EPHA3: variants seen among roughly 807,000 people sequenced by gnomAD.
The protein encoded by EPHA3 is ephrin type-A receptor 3.
Under a neutral mutation model 107.1 loss-of-function variants are expected in EPHA3, and 42 were observed. That is an observed-to-expected ratio of 0.39 (90% CI 0.31 to 0.51). The LOEUF (loss-of-function observed/expected upper bound fraction) is 0.51. Among genes scored for constraint, EPHA3 ranks in the 20% least tolerant of loss-of-function variants. The pLI, the probability that EPHA3 is intolerant of heterozygous loss-of-function variation, is 0.78. For missense variants in EPHA3, 1,183 were observed against 1,211.2 expected (o/e 0.98, Z 0.35); for synonymous variants, 461 against 424.8 (o/e 1.09, Z -1.05).
chr3:89,294,942 G>A (rs1706309990), intron 3 of EPHA3, among the ~76,000 whole-genome samples: 1 of 151,930 alleles, frequency 6.6e-6, no homozygotes, highest in Admixed American at 6.6e-5. Flanking sequence ...ACTTTTCTAT[G>A]GGACACAGTT....
intron 2 of EPHA3, among the ~76,000 whole-genome samples, chr3:89,177,849 C>G (rs1705352814): frequency 6.6e-6 from 1 of 152,160 alleles, no homozygotes; most frequent in African/African-American, 2.4e-5. Context: ...CTCTTTCCCT[C>G]ACTCGTTTTA....
chr3:89,192,237 TATTTTGTTCTAGAAACCAC>T (rs1705735259), intron 2 of EPHA3, among the ~76,000 whole-genome samples: 1 of 151,618 alleles, frequency 6.6e-6, no homozygotes, highest in African/African-American at 2.4e-5. Context: ...CTAGGTATAA[TATTTTGTTCTAGAAACCAC>T]ACTACATTAT....
intron 1 of EPHA3, among the ~76,000 whole-genome samples, chr3:89,119,802 G>A (rs570338087): frequency 2.6e-5 from 4 of 152,186 alleles, no homozygotes; most frequent in Non-Finnish European, 4.4e-5. Context: ...AATGTCCAGA[G>A]GATGTTTTTA....
At chr3:89,347,663 T>C (rs905496822) in intron 5 of EPHA3, among the ~76,000 whole-genome samples, 24 of 150,360 alleles carry the variant, frequency 1.6e-4, no homozygotes, top group African/African-American at 5.4e-4. Flanking sequence ...TGAATAAGAG[T>C]GGTGAGAGAG....
At chr3:89,331,446 A>G (rs1405921036) in intron 3 of EPHA3, among the ~76,000 whole-genome samples, 1 of 152,200 alleles carries the variant, frequency 6.6e-6, no homozygotes, top group Non-Finnish European at 1.5e-5. Context: ...TTATTTATAA[A>G]AATGTGTGAA....
chr3:89,141,803 C>G (rs1240634184), intron 2 of EPHA3, among the ~76,000 whole-genome samples: 2 of 151,532 alleles, frequency 1.3e-5, no homozygotes, highest in East Asian at 3.9e-4. Context: ...ATATCTGCAT[C>G]TATAACACAT....
In EPHA3 at chr3:89,472,614, C is replaced by T. The variant is rs145149969; in HGVS notation, c.2841C>T (p.Ser947=). ...CTTGTGACACAATAGCCAAGATTTC[C>T]ACAGAGTAAGAAAAAAAAATTCATT... ...YSSCDTIAKI[S]TDDMKKVGVT... is the part of the protein sequence containing the mutation. The change falls in exon 16 of 17, where the codon TCC becomes TCT. Residue 947 remains serine, a synonymous_variant. Transcript: ENST00000336596. The T allele has an allele frequency of 4.5e-5, 72 of 1,605,104 alleles. No individual in the cohort carries two copies. The highest frequency in any genetic ancestry group is 5.8e-5 in the Non-Finnish European group (68 of 1,176,478).
Position 89,479,671 on chromosome 3 carries a change from C to T in EPHA3, c.*169C>T. On this transcript the variant is annotated 3_prime_UTR_variant, in exon 17 of 17. Coordinates refer to ENST00000336596, the MANE Select transcript of EPHA3 (RefSeq NM_005233.6). ...ATGGAATTGAAAAACTCTTTATTTT[C>T]CCCTATCATTTATTGGATGGGTGGG... is the stretch of plus-strand genomic sequence containing the variant. 1 of 541,910 alleles carries T rather than the reference C, an allele frequency of 1.8e-6. No homozygotes were observed. The highest frequency in any genetic ancestry group is 3.3e-6 in the Non-Finnish European group (1 of 304,164). 33.6% of individuals were successfully genotyped at this position (541,910 alleles called of 1,614,324 possible). A position where few individuals can be genotyped will look rare whatever the true frequency, so the allele number is the denominator to read the frequency against.
At position 89,345,606 on chromosome 3, in the gene EPHA3, CT is replaced by C. The variant is rs528144226; in HGVS notation, c.1306+3528del. Among the ~76,000 whole-genome samples, 247 of 136,612 alleles carry C rather than the reference CT, an allele frequency of 1.8e-3. 4 individuals are homozygous for C. The highest frequency in any genetic ancestry group is 2.3e-3 in the Non-Finnish European group (143 of 62,944). The allele number at this position is 136,612 out of a possible 152,430, so 89.6% of individuals were successfully genotyped here. On this transcript the variant is annotated intron_variant, in intron 5 of 16. Coordinates refer to ENST00000336596, the MANE Select transcript of EPHA3 (RefSeq NM_005233.6). The stretch of plus-strand genomic sequence containing the variant: ...CTCCTGAACACTTCAGTGACAATTT[CT>C]TTTTTTTTTTTCTTTTTTTTTTTTA...
intron 3 of EPHA3, among the ~76,000 whole-genome samples, chr3:89,281,184 C>T (rs934186770): frequency 2.0e-4 from 31 of 152,026 alleles, no homozygotes; most frequent in Non-Finnish European, 3.4e-4. Context: ...CCGCCACGCC[C>T]GGCTAATTTC....
At chr3:89,351,686 C>A (rs966572797) in intron 5 of EPHA3, among the ~76,000 whole-genome samples, 1 of 151,318 alleles carries the variant, frequency 6.6e-6, no homozygotes, top group Admixed American at 6.6e-5. Context: ...AACAATAATG[C>A]TTTTACATAG....
chr3:89,291,581 T>G (rs2107330110), intron 3 of EPHA3, among the ~76,000 whole-genome samples: 1 of 152,288 alleles, frequency 6.6e-6, no homozygotes, highest in South Asian at 2.1e-4. Flanking sequence ...TTTACAGGAT[T>G]CTTGAGTAGT....
intron 13 of EPHA3, among the ~76,000 whole-genome samples, chr3:89,448,886 T>C (rs915519022): frequency 2.6e-5 from 4 of 152,104 alleles, no homozygotes; most frequent in South Asian, 2.1e-4. Context: ...CCTCTTTTAA[T>C]TCTAATACAT....
intron 15 of EPHA3, among the ~76,000 whole-genome samples, chr3:89,454,087 C>A (rs1034256373): frequency 2.6e-4 from 40 of 152,118 alleles, no homozygotes; most frequent in African/African-American, 8.7e-4. Context: ...ATATCCAGGT[C>A]TATCCCAAGA....
intron 2 of EPHA3, among the ~76,000 whole-genome samples, chr3:89,153,629 T>G (rs1351602323): frequency 6.6e-6 from 1 of 152,074 alleles, no homozygotes; most frequent in East Asian, 1.9e-4. Context: ...TATAACCATT[T>G]CTTACCCACC....
chr3:89,157,946 C>T (rs1395900754), intron 2 of EPHA3, among the ~76,000 whole-genome samples: 1 of 151,482 alleles, frequency 6.6e-6, no homozygotes, highest in Non-Finnish European at 1.5e-5. Context: ...ACAGAGAAAA[C>T]CCTGAGAAAG....
At chr3:89,334,276 C>A (rs545953501) in intron 3 of EPHA3, among the ~76,000 whole-genome samples, 1 of 152,290 alleles carries the variant, frequency 6.6e-6, no homozygotes, top group South Asian at 2.1e-4. Context: ...GAAAGCACTG[C>A]AAAATCCATC....
In EPHA3 at chr3:89,358,296, C is replaced by G. The variant is rs922062736; in HGVS notation, c.1306+16206C>G. ...CTGGCTGCTTATTAAGTGATCAATA[C>G]TTGGTAGTTAATATCTTTCATAAAC... On this transcript the variant is annotated intron_variant, in intron 5 of 16. Transcript: ENST00000336596. Among the ~76,000 whole-genome samples the G allele has an allele frequency of 1.2e-4, 18 of 150,974 alleles. 1 individual carries two copies. Among genetic ancestry groups the G allele is most frequent in the Non-Finnish European group, 3.0e-5 (2 of 67,462 alleles).
intron 2 of EPHA3, among the ~76,000 whole-genome samples, chr3:89,154,173 G>C (rs534735038): frequency 6.6e-6 from 1 of 151,582 alleles, no homozygotes; most frequent in East Asian, 1.9e-4. Context: ...ATTCTCCTTA[G>C]TGCATTTACT....
Sources: gnomAD v4.1 joint callset for allele counts (sites outside exome capture counted in the v4.1 genomes callset) on GRCh38, gnomAD v4.1.1 for gene constraint, MANE v1.5 for transcripts, NCBI Gene and HGNC (gene_info 2026-07-23, HGNC 2026-07-21) for gene names.